The following ABI1 variants were observed in gnomAD, a reference collection of about 807,000 sequenced individuals.
ABI1 encodes the protein Abelson interactor 1.
A neutral mutation model predicts 54.6 loss-of-function variants in ABI1; 14 were observed. The ratio of observed to expected loss-of-function variants is 0.26; its 90% CI spans 0.17 to 0.40. The LOEUF is 0.40. Among genes scored for constraint, ABI1 ranks in the 10% least tolerant of loss-of-function variants. The pLI is 1.00. For synonymous variants in ABI1, 194 were observed against 209.3 expected (o/e 0.93, Z 0.63); for missense variants, 443 against 598.3 (o/e 0.74, Z 2.71).
At chr10:26,769,035 T>C (rs961346480) in intron 5 of ABI1, 43 bp from the exon 6 acceptor site, 3 of 1,449,828 alleles carry the variant, frequency 2.1e-6, no homozygotes, top group Non-Finnish European at 2.8e-6. Context: ...ATAAAAAAGA[T>C]AAAATTGTAT....
At chr10:26,778,643 C>A (rs975661327) in intron 2 of ABI1, among the ~76,000 whole-genome samples, 4 of 152,106 alleles carry the variant, frequency 2.6e-5, no homozygotes, top group African/African-American at 9.6e-5. Flanking sequence ...AATTCCAAAC[C>A]AAGTAGATAA....
chr10:26,847,090 G>T (rs2050039508), intron 1 of ABI1, among the ~76,000 whole-genome samples: 1 of 152,102 alleles, frequency 6.6e-6, no homozygotes, highest in South Asian at 2.1e-4. Flanking sequence ...CATAATACGT[G>T]TAAAAAGTCG....
At chr10:26,844,385 TAA>T (rs887572098) in intron 1 of ABI1, among the ~76,000 whole-genome samples, 5 of 152,224 alleles carry the variant, frequency 3.3e-5, no homozygotes, top group African/African-American at 1.2e-4. Context: ...TTGAAATTTA[TAA>T]AGACTACACA....
intron 9 of ABI1, 30 bp from the exon 10 acceptor site, chr10:26,751,813 CA>C: frequency 6.4e-7 from 1 of 1,560,548 alleles, no homozygotes; most frequent in Non-Finnish European, 8.7e-7. Flanking sequence ...TGATTTGAAT[CA>C]AAAATAAGTC....
chr10:26,748,296 C>G lies in ABI1; in HGVS notation c.*274G>C. Reference sequence around the variant, plus strand: ...TCGTTAAATATTATACCCCACTTCCCCCAGAATATTTAGGCTGGTCATAAA... The same window carrying G: ...TCGTTAAATATTATACCCCACTTCCGCCAGAATATTTAGGCTGGTCATAAA... On this transcript the variant is annotated 3_prime_UTR_variant, in exon 11 of 11. Transcript: ENST00000376140. 3.3e-6 allele frequency: 1 copy of G among 302,720 alleles called. No individual in the cohort carries two copies. The highest frequency in any genetic ancestry group is 4.5e-5 in the Admixed American group (1 of 22,068). 18.8% of individuals were successfully genotyped at this position (302,720 alleles called of 1,614,324 possible). A position where few individuals can be genotyped will look rare whatever the true frequency, so the allele number is the denominator to read the frequency against.
intron 1 of ABI1, among the ~76,000 whole-genome samples, chr10:26,832,348 C>T (rs144307472): frequency 0.045 from 6,914 of 152,126 alleles, 411 homozygotes; most frequent in South Asian, 0.21. Context: ...TTTGGGAGGC[C>T]AAGGCGGGCG....
At chr10:26,828,243 G>A (rs1160004494) in intron 1 of ABI1, among the ~76,000 whole-genome samples, 2 of 152,162 alleles carry the variant, frequency 1.3e-5, no homozygotes, top group African/African-American at 4.8e-5. Context: ...CAATTACTAA[G>A]TTCACCATCT....
chr10:26,860,945 C>A lies in ABI1; in HGVS notation c.-82G>T. The A allele has an allele frequency of 1.5e-6, 2 of 1,304,642 alleles. No homozygotes were observed. The highest frequency in any genetic ancestry group is 1.4e-5 in the African/African-American group (1 of 69,042). 80.8% of individuals were successfully genotyped at this position (1,304,642 alleles called of 1,614,324 possible). A position where few individuals can be genotyped will look rare whatever the true frequency, so the allele number is the denominator to read the frequency against. ...CGCCGAGGCTCCGAGCACCTCACAG[C>A]CCGGATACAAACCGCCTACCCGCCC... On this transcript the variant is annotated 5_prime_UTR_variant, in exon 1 of 11. Coordinates refer to ENST00000376140, the MANE Select transcript of ABI1 (RefSeq NM_001012750.3). This position sits in a 1 kb window ranked among gnomAD's most constrained non-coding sequence, Gnocchi z 4.1.
intron 2 of ABI1, among the ~76,000 whole-genome samples, chr10:26,795,165 A>G (rs1388404494): frequency 1.3e-5 from 2 of 151,712 alleles, no homozygotes; most frequent in African/African-American, 4.8e-5. Context: ...AACCAAAAAC[A>G]CCATACCAAG....
At chr10:26,843,466 AAAAAAAAAAAAAAAAAAAAATATAT>A (rs1253801738) in intron 1 of ABI1, among the ~76,000 whole-genome samples, 14 of 81,176 alleles carry the variant, frequency 1.7e-4, no homozygotes, top group South Asian at 4.2e-4. Context: ...AAAAAAAAAA[AAAAAAAAAAAAAAAAAAAAATATAT>A]ATATATATAT....
intron 2 of ABI1, among the ~76,000 whole-genome samples, chr10:26,778,225 A>AT (rs1327398224): frequency 6.6e-6 from 1 of 152,158 alleles, no homozygotes; most frequent in Non-Finnish European, 1.5e-5. Context: ...TTTTAAAAAT[A>AT]TTTTTTTAAT....
At chr10:26,823,059 T>G (rs1247930294) in intron 2 of ABI1, 79 bp downstream of exon 2, 1 of 1,278,808 alleles carries the variant, frequency 7.8e-7, no homozygotes, top group East Asian at 2.6e-5. Flanking sequence ...CAGAAATCCA[T>G]ACATGCAGGC....
At chr10:26,855,308 A>G (rs2050716616) in intron 1 of ABI1, among the ~76,000 whole-genome samples, 1 of 152,212 alleles carries the variant, frequency 6.6e-6, no homozygotes, top group Admixed American at 6.5e-5. Context: ...GGCTTGCCCA[A>G]TACCAGTCTA....
At chr10:26,754,277 G>T (rs556624727) in intron 9 of ABI1, among the ~76,000 whole-genome samples, 71 of 152,176 alleles carry the variant, frequency 4.7e-4, no homozygotes, top group African/African-American at 1.7e-3. Flanking sequence ...AGCCTACCTG[G>T]TAGCTGGAAC....
chr10:26,756,366 T>C (rs1201473781), intron 8 of ABI1, among the ~76,000 whole-genome samples: 1 of 152,136 alleles, frequency 6.6e-6, no homozygotes, highest in Non-Finnish European at 1.5e-5. Flanking sequence ...AGTTGGCAAT[T>C]TTATGTTTAA....
At chr10:26,789,838 T>C (rs947784407) in intron 2 of ABI1, among the ~76,000 whole-genome samples, 2 of 152,198 alleles carry the variant, frequency 1.3e-5, no homozygotes, top group Admixed American at 6.5e-5. Context: ...TGTCCATATG[T>C]TCTCATCATT....
At chr10:26,751,137 G>C (rs1837570806) in intron 10 of ABI1, among the ~76,000 whole-genome samples, 1 of 152,100 alleles carries the variant, frequency 6.6e-6, no homozygotes. Flanking sequence ...TCCATCATAA[G>C]TTGAGAAGCA....
intron 1 of ABI1, among the ~76,000 whole-genome samples, chr10:26,840,070 T>C (rs567160167): frequency 5.6e-4 from 85 of 152,254 alleles, no homozygotes; most frequent in African/African-American, 1.8e-3. Flanking sequence ...CTTCCATCGA[T>C]TGTATTTCCT....
chr10:26,763,786 A>G (rs1839541219), intron 7 of ABI1: 2 of 1,126,386 alleles, frequency 1.8e-6, no homozygotes, highest in African/African-American at 1.5e-5. Context: ...CTGCAACCTA[A>G]TAACTATAAA....
Sources: gnomAD v4.1 joint callset for allele counts (sites outside exome capture counted in the v4.1 genomes callset) on GRCh38, gnomAD v4.1.1 for gene constraint, Gnocchi (gnomAD v3.1) non-coding constraint, MANE v1.5 for transcripts, NCBI Gene and HGNC (gene_info 2026-07-23, HGNC 2026-07-21) for gene names.